The following ATP7A variants were observed in gnomAD, a reference collection of about 807,000 sequenced individuals.
ATP7A encodes the protein ATPase copper transporting alpha.
A neutral mutation model predicts 83.5 loss-of-function variants in ATP7A; 7 were observed. The ratio of observed to expected loss-of-function variants is 0.08; its 90% CI spans 0.05 to 0.16. The LOEUF (loss-of-function observed/expected upper bound fraction) is 0.16. Ranked by LOEUF, ATP7A falls within the 10% of genes least tolerant of loss-of-function variation. The pLI, the probability that ATP7A is intolerant of heterozygous loss-of-function variation, is 1.00. For missense variants in ATP7A, 940 were observed against 1,120.8 expected (o/e 0.84, Z 2.30); for synonymous variants, 354 against 395.2 (o/e 0.90, Z 1.24).
intron 6 of ATP7A, among the ~76,000 whole-genome samples, chrX:78,007,623 C>T (rs1278183530): frequency 4.5e-5 from 5 of 112,346 alleles, no homozygotes; most frequent in Non-Finnish European, 7.5e-5. Context: ...CCGCGCCCGA[C>T]CATTTTTGCC....
intron 2 of ATP7A, among the ~76,000 whole-genome samples, chrX:77,974,148 G>GT (rs1327635291): frequency 0.037 from 3,654 of 99,730 alleles, 136 homozygotes; most frequent in African/African-American, 0.11. Flanking sequence ...AAGGTATATA[G>GT]TTTTTTTTTT....
chrX:78,015,065 C>T (rs1276423380), intron 11 of ATP7A, among the ~76,000 whole-genome samples: 2 of 112,330 alleles, frequency 1.8e-5, no homozygotes, highest in Non-Finnish European at 3.8e-5. Flanking sequence ...CTTAATGTCA[C>T]CTAAGACCCA....
At chrX:77,942,454 G>A (rs1199181434) in intron 1 of ATP7A, among the ~76,000 whole-genome samples, 1 of 108,819 alleles carries the variant, frequency 9.2e-6, no homozygotes, top group Non-Finnish European at 1.9e-5. Flanking sequence ...TTTTTGCGGG[G>A]GGGGTAGGGG....
chrX:77,932,540 A>G (rs1224392465), intron 1 of ATP7A, among the ~76,000 whole-genome samples: 4 of 112,186 alleles, frequency 3.6e-5, no homozygotes, highest in African/African-American at 1.3e-4. Context: ...GCACTTTGGG[A>G]GGCCAAGGCA....
At position 78,040,625 on chromosome X, in the gene ATP7A, A is replaced by C; in HGVS notation, c.3693A>C (p.Thr1231=). 8.3e-7 allele frequency: 1 copy of C among 1,211,601 alleles called. No homozygotes were observed. Among genetic ancestry groups the C allele is most frequent in the Non-Finnish European group, 1.1e-6 (1 of 895,093 alleles). The part of the protein sequence containing the change: ...ELCGLIAIAD[T]VKPEAELAIH... ...GTGGCTTGATAGCCATTGCAGACAC[A>C]GTGAAGCCTGAAGCAGAACTGGCTA... Residue 1231 remains threonine (T), a synonymous_variant, in exon 19 of 23, where the codon ACA becomes ACC. Coordinates refer to ENST00000341514, the MANE Select transcript of ATP7A (RefSeq NM_000052.7).
intron 17 of ATP7A, among the ~76,000 whole-genome samples, chrX:78,036,714 C>T (rs1201968896): frequency 1.8e-5 from 2 of 111,196 alleles, no homozygotes; most frequent in African/African-American, 6.6e-5. Flanking sequence ...AACCCTGTGT[C>T]TACTAAAAAT....
chrX:77,984,182 G>C, intron 2 of ATP7A, among the ~76,000 whole-genome samples: 1 of 110,792 alleles, frequency 9.0e-6, no homozygotes, highest in Non-Finnish European at 1.9e-5. Context: ...TATGAAAGGA[G>C]AGCAGCACAG....
intron 6 of ATP7A, among the ~76,000 whole-genome samples, chrX:78,007,463 C>A: frequency 9.0e-6 from 1 of 111,322 alleles, no homozygotes; most frequent in African/African-American, 3.3e-5. Flanking sequence ...GTAGCTGGGA[C>A]TACAGGCGTC....
At chrX:78,018,732 T>C (rs1192312630) in intron 12 of ATP7A, among the ~76,000 whole-genome samples, 20 of 112,104 alleles carry the variant, frequency 1.8e-4, no homozygotes, top group Non-Finnish European at 3.8e-4. Context: ...CACACTGCTC[T>C]AAAGACATAC....
At chrX:78,015,608 A>G (rs1242958980) in intron 11 of ATP7A, 146 bp from the exon 12 acceptor site, 2 of 732,215 alleles carry the variant, frequency 2.7e-6, no homozygotes, top group Non-Finnish European at 4.2e-6. Flanking sequence ...AGACTGACAT[A>G]CTAGTTCCTA....
At chrX:78,036,121 G>C (rs2078011768) in intron 17 of ATP7A, among the ~76,000 whole-genome samples, 1 of 111,791 alleles carries the variant, frequency 8.9e-6, no homozygotes, top group Non-Finnish European at 1.9e-5. Flanking sequence ...GATAAACTAA[G>C]TTCTTATTTC....
rs782743432 is a variant in ATP7A, at chrX:77,931,215, G to C, written c.-22+20380G>C. ...TTGAGATTAGGGAGTGGTGATGATT[G>C]TTAACGAGCATGCTGCCTTCAAGCA... On this transcript the variant is annotated intron_variant, in intron 1 of 22. Coordinates refer to ENST00000341514, the MANE Select transcript of ATP7A (RefSeq NM_000052.7). Among the ~76,000 whole-genome samples, 385 of 107,837 alleles carry C rather than the reference G, an allele frequency of 3.6e-3. 3 individuals carry two copies. The highest frequency in any genetic ancestry group is 9.7e-3 in the African/African-American group (287 of 29,552). 93.6% of individuals were successfully genotyped at this position (107,837 alleles called of 115,157 possible).
intron 1 of ATP7A, among the ~76,000 whole-genome samples, chrX:77,933,449 G>A (rs782326661): frequency 8.9e-6 from 1 of 111,950 alleles, no homozygotes; most frequent in South Asian, 3.7e-4. Context: ...AGTAAACAAA[G>A]AAAATAGAGA....
intron 1 of ATP7A, among the ~76,000 whole-genome samples, chrX:77,961,485 G>A (rs2077474273): frequency 8.9e-6 from 1 of 111,800 alleles, no homozygotes; most frequent in Non-Finnish European, 1.9e-5. Flanking sequence ...GTCAACTTTG[G>A]TAATCTTGCA....
intron 12 of ATP7A, among the ~76,000 whole-genome samples, chrX:78,019,137 A>G (rs912518523): frequency 1.8e-5 from 2 of 112,286 alleles, no homozygotes; most frequent in Admixed American, 1.9e-4. Flanking sequence ...GCTAGAATGC[A>G]TAACCAAAGG....
chrX:77,989,098 G>GA (rs1171696986), intron 3 of ATP7A, 135 bp from the exon 4 acceptor site: 13 of 807,048 alleles, frequency 1.6e-5, no homozygotes, highest in East Asian at 7.0e-5. Context: ...TTTCTGAAAA[G>GA]AAAAAAAATT....
chrX:78,003,026 T>C, intron 5 of ATP7A, 47 bp from the exon 6 acceptor site: 1 of 1,126,871 alleles, frequency 8.9e-7, no homozygotes, highest in Non-Finnish European at 1.2e-6. Context: ...CATTACTCTT[T>C]TTAAAAAGAA....
At chrX:78,023,752 G>A (rs1376457897) in intron 14 of ATP7A, among the ~76,000 whole-genome samples, 1 of 111,594 alleles carries the variant, frequency 9.0e-6, no homozygotes, top group Non-Finnish European at 1.9e-5. Context: ...TAGGTTCTGT[G>A]TTTATTCTGT....
chrX:78,016,304 A>G (rs1380105206), intron 12 of ATP7A, among the ~76,000 whole-genome samples: 1 of 110,937 alleles, frequency 9.0e-6, no homozygotes, highest in Non-Finnish European at 1.9e-5. Flanking sequence ...TGACAACAGC[A>G]TAGGGGAAAC....
Sources: allele counts gnomAD v4.1 joint callset (sites outside exome capture counted in the v4.1 genomes callset), GRCh38; gene constraint gnomAD v4.1.1; transcripts MANE v1.5; gene names NCBI Gene and HGNC (gene_info 2026-07-23, HGNC 2026-07-21).